Variants in ATXN1 observed in about 807,000 individuals in gnomAD.
ATXN1 encodes ataxin 1.
Under a neutral mutation model 56.4 loss-of-function variants are expected in ATXN1, and 8 were observed. That is an observed-to-expected ratio of 0.14 (90% CI 0.08 to 0.26). The LOEUF (loss-of-function observed/expected upper bound fraction) is 0.26. ATXN1 is among the 10% of genes least tolerant of loss of function. ATXN1 has a pLI of 1.00. For missense variants in ATXN1, 987 were observed against 1,106.5 expected, an observed-to-expected ratio of 0.89 and a Z score of 1.53; for synonymous variants, 514 against 494.6, an observed-to-expected ratio of 1.04 and a Z score of -0.52.
intron 6 of ATXN1, among the ~76,000 whole-genome samples, chr6:16,451,815 GTTCTC>G (rs1759759609): frequency 6.6e-6 from 1 of 151,462 alleles, no homozygotes; most frequent in Admixed American, 6.6e-5. Context: ...TGTAATTAGA[GTTCTC>G]TTTTCCCCCA....
At chr6:16,522,478 G>C (rs1761311608) in intron 5 of ATXN1, 149 bp downstream of exon 5, 1 of 152,110 alleles carries the variant, frequency 6.6e-6, no homozygotes, top group African/African-American at 2.4e-5. Context: ...GTGATGAGGA[G>C]AGTCAAAGAA....
chr6:16,672,194 T>C (rs557791691), intron 2 of ATXN1, among the ~76,000 whole-genome samples: 22 of 152,332 alleles, frequency 1.4e-4, no homozygotes, highest in African/African-American at 5.1e-4. Flanking sequence ...CCCAACACGT[T>C]TCCCTCTTGT....
chr6:16,582,563 G>C (rs1311065901), intron 4 of ATXN1, among the ~76,000 whole-genome samples: 1 of 152,182 alleles, frequency 6.6e-6, no homozygotes, highest in Non-Finnish European at 1.5e-5. Context: ...TTTCAACAAT[G>C]ATTCTGCCTG....
intron 2 of ATXN1, among the ~76,000 whole-genome samples, chr6:16,741,776 T>G (rs1425364961): frequency 6.6e-6 from 1 of 152,238 alleles, no homozygotes; most frequent in African/African-American, 2.4e-5. Flanking sequence ...TGTTTATTAC[T>G]CACATTCTGC....
chr6:16,359,927 AG>A (rs1400696069), intron 6 of ATXN1, among the ~76,000 whole-genome samples: 2 of 151,856 alleles, frequency 1.3e-5, no homozygotes, highest in African/African-American at 2.4e-5. Flanking sequence ...AAAGGGTGGG[AG>A]GGGGGTGAGG....
intron 4 of ATXN1, among the ~76,000 whole-genome samples, chr6:16,554,480 TG>T (rs1301878595): frequency 1.3e-5 from 2 of 152,154 alleles, no homozygotes; most frequent in African/African-American, 4.8e-5. Context: ...AGATGGAGTT[TG>T]GTTCTTGTCG....
In ATXN1 at chr6:16,568,020, A is replaced by G. The variant is rs535396345; in HGVS notation, c.-361+17760T>C. On this transcript the variant is annotated intron_variant, in intron 4 of 7. Transcript: ENST00000436367. ...GAATTATAAACGTCAGAGCTCTTTT[A>G]ACCTTTAAAAACCAACACAGTAATT... Among the ~76,000 whole-genome samples, 5 of 152,332 alleles carry G rather than the reference A, an allele frequency of 3.3e-5. 1 individual carries two copies. The highest frequency in any genetic ancestry group is 1.2e-4 in the African/African-American group (5 of 41,580).
At chr6:16,408,548 G>T (rs1263767765) in intron 6 of ATXN1, among the ~76,000 whole-genome samples, 1 of 151,922 alleles carries the variant, frequency 6.6e-6, no homozygotes, top group Admixed American at 6.6e-5. Context: ...AGTAACTCAG[G>T]CCTATCATCT....
intron 6 of ATXN1, among the ~76,000 whole-genome samples, chr6:16,436,503 A>C (rs1317400678): frequency 6.6e-6 from 1 of 152,204 alleles, no homozygotes; most frequent in Non-Finnish European, 1.5e-5. Flanking sequence ...CAAGCTTGTC[A>C]GTCAAAAAAG....
intron 3 of ATXN1, among the ~76,000 whole-genome samples, chr6:16,623,564 T>C (rs1410893037): frequency 1.3e-5 from 2 of 152,220 alleles, no homozygotes; most frequent in African/African-American, 2.4e-5. Context: ...AGTAATCACA[T>C]ATTGCTGGCT....
chr6:16,332,094 G>A (rs181587603), intron 6 of ATXN1, among the ~76,000 whole-genome samples: 2 of 152,364 alleles, frequency 1.3e-5, no homozygotes, highest in African/African-American at 2.4e-5. Flanking sequence ...GTTGCAGCGA[G>A]CTGGGGCCAA....
intron 2 of ATXN1, among the ~76,000 whole-genome samples, chr6:16,748,708 A>G (rs1453725272): frequency 1.3e-5 from 2 of 152,178 alleles, no homozygotes; most frequent in Non-Finnish European, 2.9e-5. Context: ...GACAAGAACG[A>G]TCTGCCCCTG....
chr6:16,723,708 A>G (rs1028339797), intron 2 of ATXN1, among the ~76,000 whole-genome samples: 1 of 152,170 alleles, frequency 6.6e-6, no homozygotes, highest in African/African-American at 2.4e-5. Context: ...TTTAAAATTA[A>G]TAACATAGTG....
chr6:16,386,056 T>C (rs1011462517), intron 6 of ATXN1, among the ~76,000 whole-genome samples: 1 of 152,186 alleles, frequency 6.6e-6, no homozygotes, highest in African/African-American at 2.4e-5. Context: ...ATGCTTGGGG[T>C]TCTAAAAGAG....
intron 5 of ATXN1, among the ~76,000 whole-genome samples, chr6:16,501,006 G>T (rs1222820445): frequency 6.6e-6 from 1 of 152,210 alleles, no homozygotes; most frequent in Non-Finnish European, 1.5e-5. Context: ...TTGGTAAAAT[G>T]TATTATTAAT....
chr6:16,509,279 A>G (rs1264190855), intron 5 of ATXN1, among the ~76,000 whole-genome samples: 3 of 152,156 alleles, frequency 2.0e-5, no homozygotes, highest in African/African-American at 7.2e-5. Context: ...GTCATTTTCT[A>G]TCCTGTCAAC....
chr6:16,525,806 T>G (rs555319319), intron 4 of ATXN1, among the ~76,000 whole-genome samples: 1 of 150,280 alleles, frequency 6.7e-6, no homozygotes, highest in African/African-American at 2.4e-5. Context: ...CACAAAAAAA[T>G]TAAAAATTAA....
chr6:16,523,490 A>G (rs1276337635), intron 4 of ATXN1, among the ~76,000 whole-genome samples: 1 of 152,248 alleles, frequency 6.6e-6, no homozygotes, highest in African/African-American at 2.4e-5. Flanking sequence ...GACTACAGGC[A>G]TGTGCCACCA....
At position 16,496,161 on chromosome 6, in the gene ATXN1, T is replaced by G. The variant is rs184095122; in HGVS notation, c.-298-10052A>C. On this transcript the variant is annotated intron_variant, in intron 5 of 7. Transcript: ENST00000436367. The stretch of plus-strand genomic sequence containing the variant: ...TCCTTGTTTAAATATTACAATTTTC[T>G]GACTCAATCAGAACAAAGTATTGCA... 2.0e-3 allele frequency among the ~76,000 whole-genome samples: 306 copies of G among 152,332 alleles called. 2 individuals carry two copies. Among genetic ancestry groups the G allele is most frequent in the African/African-American group, 7.0e-3 (289 of 41,576 alleles).
Sources: gnomAD v4.1 joint callset for allele counts (sites outside exome capture counted in the v4.1 genomes callset) on GRCh38, gnomAD v4.1.1 for gene constraint, MANE v1.5 for transcripts, NCBI Gene and HGNC (gene_info 2026-07-23, HGNC 2026-07-21) for gene names.